SLC35E2B: variants seen among roughly 807,000 people sequenced by gnomAD.
SLC35E2B encodes solute carrier family 35, member E2B.
A neutral mutation model predicts 32.4 loss-of-function variants in SLC35E2B; 18 were observed. That is an observed-to-expected ratio of 0.56 (90% CI 0.38 to 0.82). SLC35E2B has a LOEUF of 0.82. Ranked by LOEUF, SLC35E2B falls within the 40% of genes least tolerant of loss-of-function variation. The pLI, the probability that SLC35E2B is intolerant of heterozygous loss-of-function variation, is 0.00. For synonymous variants in SLC35E2B, 132 were observed against 209.1 expected, an observed-to-expected ratio of 0.63 and a Z score of 3.18; for missense variants, 263 against 469.5, an observed-to-expected ratio of 0.56 and a Z score of 4.06.
chr1:1,692,522 G>C lies in SLC35E2B; in HGVS notation c.-639C>G, dbSNP rs1465019701. 2.0e-6 allele frequency: 2 copies of C among 985,258 alleles called. No individual in the cohort carries two copies. The highest frequency in any genetic ancestry group is 3.5e-5 in the African/African-American group (2 of 56,530). The allele number at this position is 985,258 out of a possible 1,614,324, so 61.0% of individuals were successfully genotyped here. ...GCCTTCACAACAAAGGGACGCTGGC[G>C]GGCGGGGCCTGAGAGGCGCGCGGTG... On this transcript the variant is annotated 5_prime_UTR_variant, in exon 1 of 10. Transcript: ENST00000617444.
At position 1,661,515 on chromosome 1, in the gene SLC35E2B, A is replaced by C; in HGVS notation, c.*4267T>G. Reference sequence around the variant, plus strand: ...ATTTATTTTACTTTGCTGAGCAAGAATCATAGACAGCTACTACCACGGCTG... The same window carrying C: ...ATTTATTTTACTTTGCTGAGCAAGACTCATAGACAGCTACTACCACGGCTG... On this transcript the variant is annotated 3_prime_UTR_variant, in exon 10 of 10. Coordinates refer to ENST00000617444, the MANE Select transcript of SLC35E2B (RefSeq NM_001290264.2). 1 of 772,384 alleles carries C rather than the reference A, an allele frequency of 1.3e-6. No homozygotes were observed. Among genetic ancestry groups the C allele is most frequent in the Non-Finnish European group, 1.6e-6 (1 of 630,840 alleles). 47.8% of individuals were successfully genotyped at this position (772,384 alleles called of 1,614,324 possible). A position where few individuals can be genotyped will look rare whatever the true frequency, so the allele number is the denominator to read the frequency against.
intron 2 of SLC35E2B, among the ~76,000 whole-genome samples, chr1:1,684,584 G>A (rs1412623766): frequency 1.3e-5 from 2 of 152,058 alleles, no homozygotes; most frequent in African/African-American, 2.4e-5. Context: ...AAGGTCAGGA[G>A]ATTGAGACCA....
intron 2 of SLC35E2B, among the ~76,000 whole-genome samples, chr1:1,679,385 C>T (rs1008075353): frequency 6.6e-6 from 1 of 152,052 alleles, no homozygotes; most frequent in Non-Finnish European, 1.5e-5. Context: ...GACCCCCATT[C>T]CCCTTCTCTG....
rs189056806 is a variant in SLC35E2B at position 1,688,779 on chromosome 1, G to A, written c.-148+2197C>T. ...ACACGTCCTGCAAGGAGACGGAGGCGCAGGGAGGGGGCGGCAGCCGTCCTC... is the reference window on the plus strand; with the variant it reads ...ACACGTCCTGCAAGGAGACGGAGGCACAGGGAGGGGGCGGCAGCCGTCCTC... On this transcript the variant is annotated intron_variant, in intron 2 of 9. Coordinates refer to ENST00000617444, the MANE Select transcript of SLC35E2B (RefSeq NM_001290264.2). 7.3e-4 allele frequency among the ~76,000 whole-genome samples: 111 copies of A among 152,168 alleles called. No individual in the cohort carries two copies. The East Asian group carries it at 0.014, about 20-fold the overall frequency.
chr1:1,680,282 C>G (rs1418290075), intron 2 of SLC35E2B, among the ~76,000 whole-genome samples: 2 of 151,828 alleles, frequency 1.3e-5, no homozygotes, highest in Admixed American at 6.6e-5. Flanking sequence ...GCCTGGGCAA[C>G]AGAGCAAGAC....
At chr1:1,679,786 C>T (rs1243433137) in intron 2 of SLC35E2B, among the ~76,000 whole-genome samples, 2 of 144,142 alleles carry the variant, frequency 1.4e-5, no homozygotes, top group African/African-American at 2.6e-5. Context: ...GAGCTGAGAT[C>T]GCGCCATTGC....
At chr1:1,677,963 C>A (rs1319663480) in intron 2 of SLC35E2B, among the ~76,000 whole-genome samples, 1 of 151,350 alleles carries the variant, frequency 6.6e-6, no homozygotes, top group Non-Finnish European at 1.5e-5. Flanking sequence ...GCACCGAGAC[C>A]CCACCTCCCC....
intron 2 of SLC35E2B, among the ~76,000 whole-genome samples, chr1:1,689,169 C>G (rs577762566): frequency 6.7e-6 from 1 of 149,442 alleles, no homozygotes; most frequent in African/African-American, 2.5e-5. Flanking sequence ...GAGACTGTCT[C>G]AAAAAAAAAC....
intron 2 of SLC35E2B, among the ~76,000 whole-genome samples, chr1:1,685,243 G>A (rs917363416): frequency 1.1e-4 from 16 of 151,576 alleles, no homozygotes; most frequent in African/African-American, 2.2e-4. Context: ...GTAATATGAC[G>A]AAACCTCATC....
At chr1:1,679,390 T>C (rs1643880485) in intron 2 of SLC35E2B, among the ~76,000 whole-genome samples, 1 of 151,830 alleles carries the variant, frequency 6.6e-6, no homozygotes. Flanking sequence ...CCATTCCCCT[T>C]CTCTGCTGAC....
chr1:1,671,429 C>T, intron 6 of SLC35E2B, 80 bp downstream of exon 6: 2 of 1,299,508 alleles, frequency 1.5e-6, no homozygotes, highest in Non-Finnish European at 2.0e-6. Flanking sequence ...GAATTCTCAG[C>T]TCACCTGAGA....
At chr1:1,666,219 C>G (rs1366876265) in intron 9 of SLC35E2B, among the ~76,000 whole-genome samples, 200 bp from the exon 10 acceptor site, 1 of 152,160 alleles carries the variant, frequency 6.6e-6, no homozygotes, top group African/African-American at 2.4e-5. Context: ...TCAACGGGAC[C>G]TCGGTGGTGG....
Position 1,665,472 on chromosome 1 carries a change from G to A in SLC35E2B, c.*310C>T. The A allele has an allele frequency of 1.8e-6, 1 of 547,538 alleles. No individual in the cohort carries two copies. Among genetic ancestry groups the A allele is most frequent in the Non-Finnish European group, 3.2e-6 (1 of 311,908 alleles). The allele number at this position is 547,538 out of a possible 1,614,324, so 33.9% of individuals were successfully genotyped here. On this transcript the variant is annotated 3_prime_UTR_variant, in exon 10 of 10. Transcript: ENST00000617444. ...CCACCTCTGGCTCCCGGTGGACCCT[G>A]GGGTGTCGCCCAGAGAGGAAGTGGG...
chr1:1,671,703 C>A, intron 5 of SLC35E2B, 74 bp from the exon 6 acceptor site: 1 of 1,379,872 alleles, frequency 7.2e-7, no homozygotes. Flanking sequence ...AGGCTGTTTC[C>A]ATCCCCTCTT....
At chr1:1,666,547 C>G (rs1285161518) in intron 9 of SLC35E2B, among the ~76,000 whole-genome samples, 1 of 152,056 alleles carries the variant, frequency 6.6e-6, no homozygotes, top group Non-Finnish European at 1.5e-5. Context: ...AAGTAAATTA[C>G]AGGTATCATG....
intron 2 of SLC35E2B, among the ~76,000 whole-genome samples, chr1:1,684,513 T>G (rs569769542): frequency 6.6e-6 from 1 of 152,146 alleles, no homozygotes; most frequent in African/African-American, 2.4e-5. Flanking sequence ...CCCAGGAGGC[T>G]GGGCACAGTG....
At chr1:1,670,396 A>T in intron 6 of SLC35E2B, 1 of 402,806 alleles carries the variant, frequency 2.5e-6, no homozygotes. Flanking sequence ...TGCTGGGATT[A>T]CAAGTGTGAG....
At chr1:1,684,164 T>G (rs1248896144) in intron 2 of SLC35E2B, among the ~76,000 whole-genome samples, 1 of 152,038 alleles carries the variant, frequency 6.6e-6, no homozygotes, top group Non-Finnish European at 1.5e-5. Flanking sequence ...GCCACTGACA[T>G]CTCCACAGAC....
intron 6 of SLC35E2B, 31 bp downstream of exon 6, chr1:1,671,478 C>T (rs1643689555): frequency 7.0e-7 from 1 of 1,422,290 alleles, no homozygotes; most frequent in African/African-American, 1.5e-5. Flanking sequence ...CGGGTCTCGT[C>T]CCCCTCACGC....
Sources: gnomAD v4.1 joint callset for allele counts (sites outside exome capture counted in the v4.1 genomes callset) on GRCh38, gnomAD v4.1.1 for gene constraint, MANE v1.5 for transcripts, NCBI Gene and HGNC (gene_info 2026-07-23, HGNC 2026-07-21) for gene names.